The following CEP164 variants were observed in gnomAD, a reference collection of about 807,000 sequenced individuals.
The protein encoded by CEP164 is centrosomal protein of 164 kDa.
CEP164 carries 162 observed loss-of-function variants against 182.7 expected under a neutral mutation model. The ratio of observed to expected loss-of-function variants is 0.89; its 90% CI spans 0.78 to 1.01. The LOEUF (loss-of-function observed/expected upper bound fraction) is 1.01, where lower values mean the gene tolerates loss of function less well. Among genes scored for constraint, CEP164 ranks in the 50% least tolerant of loss-of-function variants. The pLI, the probability that CEP164 is intolerant of heterozygous loss-of-function variation, is 0.00. For synonymous variants in CEP164, 661 were observed against 690.0 expected, an observed-to-expected ratio of 0.96 and a Z score of 0.66; for missense variants, 1,735 against 1,790.4, an observed-to-expected ratio of 0.97 and a Z score of 0.56.
At chr11:117,351,728 C>CTTTTTTTTT in intron 4 of CEP164, 62 bp from the exon 5 acceptor site, 6 of 1,332,784 alleles carry the variant, frequency 4.5e-6, no homozygotes, top group South Asian at 1.4e-5. Context: ...TTTTTCCCCT[C>CTTTTTTTTT]TTTTTTTTTT....
chr11:117,394,776 G>C lies in CEP164; in HGVS notation c.2761-144G>C. The C allele has an allele frequency of 2.1e-6, 2 of 946,098 alleles. No homozygotes were observed. Among genetic ancestry groups the C allele is most frequent in the Non-Finnish European group, 3.3e-6 (2 of 613,452 alleles). 58.6% of individuals were successfully genotyped at this position (946,098 alleles called of 1,614,324 possible). ...AGTAAACAAGGTGTGGAGCCTTCCTGGGAGGCTGCAGGGGCACACAGCGAG... is the reference window on the plus strand; with the variant it reads ...AGTAAACAAGGTGTGGAGCCTTCCTCGGAGGCTGCAGGGGCACACAGCGAG... On this transcript the variant is annotated intron_variant, in intron 21 of 32. Transcript: ENST00000278935. The surrounding 1 kb of genome is among the most constrained non-coding windows in gnomAD (Gnocchi z 4.0).
chr11:117,412,260 A>G lies in CEP164; in HGVS notation c.*92A>G, dbSNP rs1592535171. ...CCTGCCTTCTTCCATCTGAGAAAGC[A>G]CCCTCCTTCCCCCTTTGACTTGCAG... On this transcript the variant is annotated 3_prime_UTR_variant, in exon 33 of 33. Transcript: ENST00000278935. 13 of 1,172,000 alleles carry G rather than the reference A, an allele frequency of 1.1e-5. No individual in the cohort carries two copies. Among genetic ancestry groups the G allele is most frequent in the Non-Finnish European group, 1.6e-5 (13 of 826,924 alleles). The allele number at this position is 1,172,000 out of a possible 1,614,324, so 72.6% of individuals were successfully genotyped here. A position where few individuals can be genotyped will look rare whatever the true frequency, so the allele number is the denominator to read the frequency against.
Position 117,410,900 on chromosome 11 carries a change from C to G in CEP164, c.4163+6C>G, listed in dbSNP as rs576293282. 6.2e-7 allele frequency: 1 copy of G among 1,612,158 alleles called. No homozygotes were observed. Among genetic ancestry groups the G allele is most frequent in the East Asian group, 2.2e-5 (1 of 44,838 alleles). On this transcript the variant is annotated splice_donor_region_variant and intron_variant, in intron 31 of 32. Transcript: ENST00000278935. ...CTGGGTTACATGTCTGCCAGGTGAG[C>G]CTCCCTGGGGGCTGGTTGGGGTGGA...
In CEP164 at chr11:117,394,262, T is replaced by G; in HGVS notation, c.2617-88T>G. ...CCGATGGTGTCCCTGATCTTACTGA[T>G]GCAAGGCTGCAGGGCTAGGGGAGCT... On this transcript the variant is annotated intron_variant, in intron 20 of 32. Coordinates refer to ENST00000278935, the MANE Select transcript of CEP164 (RefSeq NM_014956.5). The surrounding 1 kb of genome is among the most constrained non-coding windows in gnomAD (Gnocchi z 4.0). The G allele has an allele frequency of 6.6e-7, 1 of 1,515,678 alleles. No individual in the cohort carries two copies. Among genetic ancestry groups the G allele is most frequent in the South Asian group, 1.2e-5 (1 of 80,850 alleles). The allele number at this position is 1,515,678 out of a possible 1,614,324, so 93.9% of individuals were successfully genotyped here.
rs761794892 is a variant in CEP164, at chr11:117,361,980, G to T, written c.539G>T (p.Gly180Val). 13 of 1,575,974 alleles carry T rather than the reference G, an allele frequency of 8.2e-6. No individual in the cohort carries two copies. Among genetic ancestry groups the T allele is most frequent in the Non-Finnish European group, 9.4e-6 (11 of 1,166,334 alleles). ...TCAGTGGAGTCTGGACGTCAGCTTG[G>T]AGAACTCATGCTGGTAAGTACGTTC... ...GSSVESGRQLGELMLPSQGLK... is the reference protein window; with the variant it reads ...GSSVESGRQLVELMLPSQGLK... Residue 180 changes from glycine to valine, a missense_variant, in exon 6 of 33, where the codon GGA (glycine) becomes GTA (valine). Coordinates refer to ENST00000278935, the MANE Select transcript of CEP164 (RefSeq NM_014956.5).
In CEP164 at chr11:117,411,750, C is replaced by G. The variant is rs536728673; in HGVS notation, c.4164-45C>G. Reference sequence around the variant, plus strand: ...GCCTCTGTGCATCCTCTGTCACTTCCGCGCCTCCTCTCTCCCCTCGCCATG... The same window carrying G: ...GCCTCTGTGCATCCTCTGTCACTTCGGCGCCTCCTCTCTCCCCTCGCCATG... On this transcript the variant is annotated intron_variant, in intron 31 of 32. Coordinates refer to ENST00000278935, the MANE Select transcript of CEP164 (RefSeq NM_014956.5). This position sits in a 1 kb window ranked among gnomAD's most constrained non-coding sequence, Gnocchi z 4.4. The G allele has an allele frequency of 3.1e-6, 5 of 1,610,802 alleles. No individual in the cohort carries two copies. The highest frequency in any genetic ancestry group is 4.2e-6 in the Non-Finnish European group (5 of 1,178,372).
rs566311045 is a variant in CEP164 at position 117,394,731 on chromosome 11, G to A, written c.2761-189G>A. 7.2e-5 allele frequency among the ~76,000 whole-genome samples: 11 copies of A among 152,276 alleles called. No homozygotes were observed. Among genetic ancestry groups the A allele is most frequent in the East Asian group, 5.8e-4 (3 of 5,164 alleles). Reference sequence around the variant, plus strand: ...AAGGCATTGGGGTTGGCACCTTTGCGTCTCCTTGCCCCAGCAGGAAGTAAA... The same window carrying A: ...AAGGCATTGGGGTTGGCACCTTTGCATCTCCTTGCCCCAGCAGGAAGTAAA... On this transcript the variant is annotated intron_variant, in intron 21 of 32. Transcript: ENST00000278935. The surrounding 1 kb of genome is among the most constrained non-coding windows in gnomAD (Gnocchi z 4.0).
At chr11:117,329,223 A>G (rs2035809246) in intron 1 of CEP164, among the ~76,000 whole-genome samples, 1 of 151,920 alleles carries the variant, frequency 6.6e-6, no homozygotes, top group Admixed American at 6.6e-5. Flanking sequence ...CAGTCTCCTT[A>G]GTAGACGGGA....
intron 30 of CEP164, 143 bp from the exon 31 acceptor site, chr11:117,410,685 G>T: frequency 1.7e-6 from 1 of 603,206 alleles, no homozygotes; most frequent in Non-Finnish European, 2.9e-6. Flanking sequence ...AAATAAATAG[G>T]ACCATTCCTG....
intron 4 of CEP164, among the ~76,000 whole-genome samples, chr11:117,345,039 G>A (rs1006514214): frequency 6.6e-6 from 1 of 152,196 alleles, no homozygotes; most frequent in African/African-American, 2.4e-5. Flanking sequence ...GACCAGCAAA[G>A]GGTTTCTGTG....
At position 117,388,479 on chromosome 11, in the gene CEP164, C is replaced by T. The variant is rs575513381; in HGVS notation, c.1934+1067C>T. 7.9e-5 allele frequency among the ~76,000 whole-genome samples: 12 copies of T among 152,334 alleles called. No individual in the cohort carries two copies. The South Asian group carries it at 2.5e-3, about 32-fold the overall frequency. On this transcript the variant is annotated intron_variant, in intron 15 of 32. Transcript: ENST00000278935. ...TCACCAGAACCTGTTTCTGTTTATG[C>T]CCAAGCCTTTCTGAGGAATGGGCTC...
chr11:117,395,500 C>T (rs2045316558), intron 23 of CEP164, 47 bp from the exon 24 acceptor site: 23 of 1,555,532 alleles, frequency 1.5e-5, no homozygotes, highest in Non-Finnish European at 1.8e-5. Flanking sequence ...TCCCTGGCTT[C>T]TCTCTGTGCT....
In CEP164 at chr11:117,397,092, C is replaced by T. The variant is rs2136498874; in HGVS notation, c.3280C>T (p.Leu1094=). The T allele has an allele frequency of 1.2e-6, 2 of 1,613,560 alleles. No individual in the cohort carries two copies. The highest frequency in any genetic ancestry group is 8.5e-7 in the Non-Finnish European group (1 of 1,179,700). The change falls in exon 27 of 33, where the codon CTG becomes TTG. Residue 1094 remains leucine (L), a splice_region_variant and synonymous_variant. Coordinates refer to ENST00000278935, the MANE Select transcript of CEP164 (RefSeq NM_014956.5). ...CCTTCTTCAACTCTCCTGCTCCAGC[C>T]TGTCCTCCCACAATGTCTGGCACCT... The part of the protein sequence containing the change: ...QSKEDLYLDS[L]SSHNVWHLLS...
chr11:117,361,826 G>A lies in CEP164; in HGVS notation c.394-9G>A. ...CTTGAGTTGTAACAAGATGTTTTCT[G>A]TTGCACAGGCCTTGGGTTCCTCATT... On this transcript the variant is annotated splice_polypyrimidine_tract_variant and intron_variant, in intron 5 of 32. Coordinates refer to ENST00000278935, the MANE Select transcript of CEP164 (RefSeq NM_014956.5). 6.2e-7 allele frequency: 1 copy of A among 1,614,176 alleles called. No homozygotes were observed. The highest frequency in any genetic ancestry group is 1.1e-5 in the South Asian group (1 of 91,076).
In CEP164 at chr11:117,407,976, C is replaced by G. The variant is rs1417434256; in HGVS notation, c.3553C>G (p.Leu1185Val). ...MKSAMRKGHN[L>V]LKKKEEKLNQ... ...GTCGGCCATGCGGAAAGGCCACAAC[C>G]TGCTGAAGAAGAAAGAGGAGAAGCT... is the stretch of plus-strand genomic sequence containing the variant. Residue 1185 changes from leucine to valine, a missense_variant, in exon 28 of 33, where the codon CTG becomes GTG. Transcript: ENST00000278935. The G allele has an allele frequency of 6.2e-7, 1 of 1,603,008 alleles. No individual in the cohort carries two copies. The highest frequency in any genetic ancestry group is 8.5e-7 in the Non-Finnish European group (1 of 1,174,838).
Position 117,409,611 on chromosome 11 carries a change from C to A in CEP164, c.3749-7C>A, listed in dbSNP as rs759587594. ...TCCCTTCCCACCATCCACCTCTTTT[C>A]TTTCAGTCGACTCAACCCCGAGTCT... On this transcript the variant is annotated splice_polypyrimidine_tract_variant and splice_region_variant and intron_variant, in intron 29 of 32. Coordinates refer to ENST00000278935, the MANE Select transcript of CEP164 (RefSeq NM_014956.5). This position sits in a 1 kb window ranked among gnomAD's most constrained non-coding sequence, Gnocchi z 4.4. 1.2e-6 allele frequency: 2 copies of A among 1,600,414 alleles called. No homozygotes were observed. Among genetic ancestry groups the A allele is most frequent in the Admixed American group, 1.7e-5 (1 of 59,644 alleles).
At chr11:117,362,644 C>T in intron 7 of CEP164, 106 bp downstream of exon 7, 1 of 1,304,270 alleles carries the variant, frequency 7.7e-7, no homozygotes, top group Non-Finnish European at 1.1e-6. Context: ...TAAAATTTGC[C>T]CTTTTAACCA....
At position 117,393,159 on chromosome 11, in the gene CEP164, ACACATGCACACACACATGCACG is replaced by A. The variant is rs768932780; in HGVS notation, c.2616+55_2616+76del. On this transcript the variant is annotated intron_variant, in intron 20 of 32. Transcript: ENST00000278935. ...AGCCACATCCCCTGCGCGCATGCAC[ACACATGCACACACACATGCACG>A]CACATGCACACACACATGCACACAC... 463 of 1,602,810 alleles carry A rather than the reference ACACATGCACACACACATGCACG, an allele frequency of 2.9e-4. 1 individual carries two copies. The East Asian group carries it at 5.6e-3, about 19-fold the overall frequency.
chr11:117,404,299 C>A (rs1020537237), intron 27 of CEP164, among the ~76,000 whole-genome samples: 3 of 152,138 alleles, frequency 2.0e-5, no homozygotes, highest in African/African-American at 7.2e-5. Context: ...ATTTATCTAC[C>A]TTTGGTCTTT....
Sources: allele counts gnomAD v4.1 joint callset (sites outside exome capture counted in the v4.1 genomes callset), GRCh38; gene constraint gnomAD v4.1.1; non-coding constraint Gnocchi (gnomAD v3.1); transcripts MANE v1.5; gene names NCBI Gene and HGNC (gene_info 2026-07-23, HGNC 2026-07-21).